TTC23: variants seen among roughly 807,000 people sequenced by gnomAD.
TTC23 encodes tetratricopeptide repeat domain 23, also known as tetratricopeptide repeat protein 23.
TTC23 carries 58 observed loss-of-function variants against 55.1 expected under a neutral mutation model. The ratio of observed to expected loss-of-function variants is 1.05; its 90% CI spans 0.85 to 1.31. TTC23 has a LOEUF of 1.31. TTC23 is among the 50% of genes most tolerant of loss of function. The pLI is 0.00. For missense variants in TTC23, 516 were observed against 534.4 expected (o/e 0.97, Z 0.34); for synonymous variants, 203 against 199.9 (o/e 1.02, Z -0.13).
intron 12 of TTC23, among the ~76,000 whole-genome samples, chr15:99,154,975 T>G (rs1311760304): frequency 6.6e-6 from 1 of 152,086 alleles, no homozygotes; most frequent in Non-Finnish European, 1.5e-5. Flanking sequence ...ACAAAAGAAA[T>G]AAATTGGAGG....
At chr15:99,217,006 A>G (rs1347498166) in intron 8 of TTC23, among the ~76,000 whole-genome samples, 1 of 152,242 alleles carries the variant, frequency 6.6e-6, no homozygotes, top group Non-Finnish European at 1.5e-5. Flanking sequence ...GAGGATGGAC[A>G]AACAAAATAC....
chr15:99,182,287 CACAT>C (rs1339272997), intron 9 of TTC23, among the ~76,000 whole-genome samples: 24 of 139,488 alleles, frequency 1.7e-4, no homozygotes, highest in South Asian at 9.0e-4. Context: ...CACACACACA[CACAT>C]AATCATAACC....
intron 9 of TTC23, among the ~76,000 whole-genome samples, chr15:99,198,035 G>A (rs2075890380): frequency 6.6e-6 from 1 of 152,134 alleles, no homozygotes; most frequent in African/African-American, 2.4e-5. Context: ...CTTCAGCCAT[G>A]AATACTGAAA....
chr15:99,208,031 A>G (rs1175985539), intron 8 of TTC23, among the ~76,000 whole-genome samples: 1 of 152,212 alleles, frequency 6.6e-6, no homozygotes, highest in Non-Finnish European at 1.5e-5. Flanking sequence ...TAGTGTTTAC[A>G]GTAGTAAAAA....
intron 10 of TTC23, among the ~76,000 whole-genome samples, chr15:99,165,139 T>C (rs2071892685): frequency 6.6e-6 from 1 of 152,144 alleles, no homozygotes; most frequent in Non-Finnish European, 1.5e-5. Context: ...TGGCTATGGG[T>C]CCCCATACTA....
intron 12 of TTC23, 178 bp downstream of exon 12, chr15:99,155,970 C>G: frequency 1.4e-6 from 1 of 714,616 alleles, no homozygotes; most frequent in Non-Finnish European, 2.3e-6. Context: ...GTCTAAGAGG[C>G]TTACTATGTC....
chr15:99,233,620 A>G (rs1460595942), intron 4 of TTC23, among the ~76,000 whole-genome samples: 2 of 152,164 alleles, frequency 1.3e-5, no homozygotes, highest in African/African-American at 4.8e-5. Flanking sequence ...CCTTTGAAAA[A>G]CCTACAGCTA....
At chr15:99,239,027 T>C (rs1231256983) in intron 3 of TTC23, among the ~76,000 whole-genome samples, 5 of 152,324 alleles carry the variant, frequency 3.3e-5, no homozygotes, top group Middle Eastern at 3.4e-3. Context: ...CATTCATTCA[T>C]TTCAGGCTAA....
chr15:99,145,295 G>A (rs2151844383), intron 12 of TTC23: 1 of 152,336 alleles, frequency 6.6e-6, no homozygotes, highest in South Asian at 2.1e-4. Context: ...AGTGAGCCTT[G>A]CTCTCAGGGG....
intron 11 of TTC23, chr15:99,159,436 C>A (rs1236679398): frequency 6.6e-6 from 1 of 152,178 alleles, no homozygotes; most frequent in East Asian, 1.9e-4. Flanking sequence ...CAAATGGATT[C>A]TCTAAGGAAG....
intron 9 of TTC23, among the ~76,000 whole-genome samples, chr15:99,185,130 C>T (rs540638419): frequency 1.3e-5 from 2 of 152,284 alleles, no homozygotes; most frequent in African/African-American, 4.8e-5. Flanking sequence ...TATTTCCTTA[C>T]AGCAATGTGA....
At position 99,137,903 on chromosome 15, in the gene TTC23, A is replaced by C; in HGVS notation, c.*107T>G. 6.5e-7 allele frequency: 1 copy of C among 1,534,424 alleles called. No individual in the cohort carries two copies. The highest frequency in any genetic ancestry group is 8.8e-7 in the Non-Finnish European group (1 of 1,133,372). On this transcript the variant is annotated 3_prime_UTR_variant, in exon 14 of 14. Coordinates refer to ENST00000394132, the MANE Select transcript of TTC23 (RefSeq NM_001288615.3). ...GTTGGGGCCAACAGTTGGCCTTGGA[A>C]ATCTGTATCCTGACTGTTGAATTCC...
intron 1 of TTC23, among the ~76,000 whole-genome samples, chr15:99,245,999 G>A (rs1332060478): frequency 6.6e-6 from 1 of 151,844 alleles, no homozygotes; most frequent in Non-Finnish European, 1.5e-5. Context: ...TAGTAGAGAC[G>A]GGGTTTCACC....
chr15:99,192,454 A>C (rs2151971506), intron 9 of TTC23, among the ~76,000 whole-genome samples: 1 of 152,338 alleles, frequency 6.6e-6, no homozygotes, highest in South Asian at 2.1e-4. Flanking sequence ...CCTTGGCTGA[A>C]AGGGGCCATC....
At chr15:99,248,871 A>T (rs545099513) in intron 1 of TTC23, among the ~76,000 whole-genome samples, 30 of 152,232 alleles carry the variant, frequency 2.0e-4, no homozygotes, top group South Asian at 1.9e-3. Context: ...TTACATGCTG[A>T]TTCTGCTTCA....
intron 8 of TTC23, among the ~76,000 whole-genome samples, chr15:99,217,152 T>G (rs1330345171): frequency 2.9e-5 from 4 of 140,292 alleles, no homozygotes; most frequent in East Asian, 2.1e-4. Flanking sequence ...CAAATTTTCT[T>G]TTTTTCTCTT....
chr15:99,231,868 CCGCAACCTCTACCCCCCAGGTT>C lies in TTC23; in HGVS notation c.-21+3098_-21+3119del, dbSNP rs2078963130. On this transcript the variant is annotated intron_variant, in intron 4 of 13. Coordinates refer to ENST00000394132, the MANE Select transcript of TTC23 (RefSeq NM_001288615.3). The stretch of plus-strand genomic sequence containing the variant: ...AGTGCAATGGCTCTATCTTGGCTCA[CCGCAACCTCTACCCCCCAGGTT>C]CAAGCAATTCTCCTGCCTCAGCCTC... Among the ~76,000 whole-genome samples the C allele has an allele frequency of 6.6e-5, 10 of 151,806 alleles. 1 individual carries two copies. The South Asian group carries it at 2.1e-3, about 32-fold the overall frequency.
chr15:99,246,703 G>A (rs928610639), intron 1 of TTC23, among the ~76,000 whole-genome samples: 66 of 151,832 alleles, frequency 4.3e-4, no homozygotes, highest in Non-Finnish European at 6.0e-4. Context: ...GGTGGATCAC[G>A]AGTTCAGGAG....
At chr15:99,162,699 C>T (rs1419247389) in intron 10 of TTC23, among the ~76,000 whole-genome samples, 1 of 152,058 alleles carries the variant, frequency 6.6e-6, no homozygotes, top group Non-Finnish European at 1.5e-5. Flanking sequence ...GTAGTCCCTC[C>T]CCTGTGGTTA....
Sources: gnomAD v4.1 joint callset for allele counts (sites outside exome capture counted in the v4.1 genomes callset) on GRCh38, gnomAD v4.1.1 for gene constraint, MANE v1.5 for transcripts, NCBI Gene and HGNC (gene_info 2026-07-23, HGNC 2026-07-21) for gene names.